The following SSU72 variants were observed in gnomAD, a reference collection of about 807,000 sequenced individuals.
SSU72 encodes RNA polymerase II subunit A C-terminal domain phosphatase SSU72.
In SSU72, 12 loss-of-function variants were observed where a neutral mutation model predicts 22.7. That is an observed-to-expected ratio of 0.53 (90% confidence interval 0.34 to 0.86). The LOEUF (loss-of-function observed/expected upper bound fraction) is 0.86. SSU72 is among the 40% of genes least tolerant of loss of function. The pLI is 0.02. For missense variants in SSU72, 151 were observed against 249.8 expected, an observed-to-expected ratio of 0.60 and a Z score of 2.67; for synonymous variants, 116 against 98.3, an observed-to-expected ratio of 1.18 and a Z score of -1.06.
chr1:1,574,578 CGGCTCTCCCGCTTG>C lies in SSU72; in HGVS notation c.-35_-22del. 6.3e-7 allele frequency: 1 copy of C among 1,578,352 alleles called. No homozygotes were observed. The highest frequency in any genetic ancestry group is 8.6e-7 in the Non-Finnish European group (1 of 1,165,588). On this transcript the variant is annotated 5_prime_UTR_variant, in exon 1 of 5. Coordinates refer to ENST00000291386, the MANE Select transcript of SSU72 (RefSeq NM_014188.3). Reference sequence around the variant, plus strand: ...GGCATGGCGGCGGCCGCAAATCCCGCGGCTCTCCCGCTTGGGTTCCCACCCTACCGCGGCGCTTC... The same window carrying C: ...GGCATGGCGGCGGCCGCAAATCCCGCGGTTCCCACCCTACCGCGGCGCTTC...
intron 2 of SSU72, among the ~76,000 whole-genome samples, chr1:1,547,629 C>T (rs931224442): frequency 3.9e-5 from 6 of 152,230 alleles, no homozygotes; most frequent in East Asian, 1.9e-4. Context: ...AGCAAAACCA[C>T]GGTGCCAGTG....
intron 2 of SSU72, among the ~76,000 whole-genome samples, chr1:1,559,282 G>C (rs1294307344): frequency 6.6e-6 from 1 of 152,232 alleles, no homozygotes; most frequent in Non-Finnish European, 1.5e-5. Flanking sequence ...GGGCGGACCT[G>C]TAGCACGGGA....
chr1:1,556,238 C>G (rs1340366817), intron 2 of SSU72, among the ~76,000 whole-genome samples: 1 of 152,226 alleles, frequency 6.6e-6, no homozygotes, highest in Non-Finnish European at 1.5e-5. Context: ...GGAGACCATC[C>G]TGGCTAACAC....
Position 1,554,021 on chromosome 1 carries a change from CG to C in SSU72, c.225-9020del, listed in dbSNP as rs1570388230. On this transcript the variant is annotated intron_variant, in intron 2 of 4. Transcript: ENST00000291386. The surrounding 1 kb of genome is among the most constrained non-coding windows in gnomAD (Gnocchi z 4.1). ...GTCAGTGGTGAGAACTCAGCAGGTCCGGGGGACGTCAGGTGGCCACGGAGAC... is the reference window on the plus strand; with the variant it reads ...GTCAGTGGTGAGAACTCAGCAGGTCCGGGGACGTCAGGTGGCCACGGAGAC... Among the ~76,000 whole-genome samples the C allele has an allele frequency of 1.3e-5, 2 of 152,168 alleles. No homozygotes were observed. Among genetic ancestry groups the C allele is most frequent in the East Asian group, 3.9e-4 (2 of 5,188 alleles).
chr1:1,561,288 T>C (rs1156476906), intron 2 of SSU72: 1 of 152,206 alleles, frequency 6.6e-6, no homozygotes, highest in Non-Finnish European at 1.5e-5. Flanking sequence ...TTTCACTATG[T>C]TGGCCAGGCT....
intron 2 of SSU72, chr1:1,560,765 T>C (rs12410854): frequency 0.47 from 71,239 of 152,084 alleles, 20,809 homozygotes; most frequent in East Asian, 0.86. Context: ...CATGTGAGGA[T>C]CACTTGAGGC....
chr1:1,569,313 C>T lies in SSU72; in HGVS notation c.81-4397G>A, dbSNP rs953386600. On this transcript the variant is annotated intron_variant, in intron 1 of 4. Transcript: ENST00000291386. ...CAGGAGGCTCTGTGGAAACGTACGG[C>T]GGAGTCTTCTGGCGCTGCCCTGAAA... Among the ~76,000 whole-genome samples, 7 of 152,302 alleles carry T rather than the reference C, an allele frequency of 4.6e-5. No homozygotes were observed. The East Asian group carries it at 1.2e-3, about 25-fold the overall frequency.
Position 1,554,762 on chromosome 1 carries a change from C to T in SSU72, c.225-9760G>A, listed in dbSNP as rs1208696062. 6.6e-6 allele frequency among the ~76,000 whole-genome samples: 1 copy of T among 152,118 alleles called. No individual in the cohort carries two copies. The highest frequency in any genetic ancestry group is 1.5e-5 in the Non-Finnish European group (1 of 68,018). The stretch of plus-strand genomic sequence containing the variant: ...GGAAAAAGCCATGTCAGGTGCAGCA[C>T]GCTGGCCACAGGCACTGGAGCCACG... On this transcript the variant is annotated intron_variant, in intron 2 of 4. Transcript: ENST00000291386. The surrounding 1 kb of genome is among the most constrained non-coding windows in gnomAD (Gnocchi z 4.1).
At chr1:1,573,475 G>A (rs540936472) in intron 1 of SSU72, among the ~76,000 whole-genome samples, 5 of 147,192 alleles carry the variant, frequency 3.4e-5, no homozygotes, top group South Asian at 4.3e-4. Context: ...AGAATAAAGA[G>A]AAAGAATCAG....
At chr1:1,549,698 G>A (rs1489150844) in intron 2 of SSU72, among the ~76,000 whole-genome samples, 2 of 151,738 alleles carry the variant, frequency 1.3e-5, no homozygotes, top group African/African-American at 2.4e-5. Context: ...ATTATGGCTG[G>A]GCGCAGTGGC....
chr1:1,569,223 A>T (rs1042713739), intron 1 of SSU72, among the ~76,000 whole-genome samples: 1 of 152,134 alleles, frequency 6.6e-6, no homozygotes, highest in African/African-American at 2.4e-5. Context: ...AAAAAGCCAC[A>T]AAACAAACAA....
chr1:1,546,472 A>T (rs1174016984), intron 2 of SSU72: 1 of 152,184 alleles, frequency 6.6e-6, no homozygotes, highest in African/African-American at 2.4e-5. Context: ...TTAGTCCTTC[A>T]GCCGCTGAGA....
chr1:1,541,942 T>C lies in SSU72; in HGVS notation c.*124A>G, dbSNP rs932641275. 1 of 857,394 alleles carries C rather than the reference T, an allele frequency of 1.2e-6. No homozygotes were observed. The highest frequency in any genetic ancestry group is 1.8e-6 in the Non-Finnish European group (1 of 548,964). The allele number at this position is 857,394 out of a possible 1,614,324, so 53.1% of individuals were successfully genotyped here. ...TTGGCATCTCCTCTCCCATTTCATA[T>C]GCACAGTTTATTTGGGTAATGCTAC... is the stretch of plus-strand genomic sequence containing the variant. On this transcript the variant is annotated 3_prime_UTR_variant, in exon 5 of 5. Transcript: ENST00000291386.
intron 2 of SSU72, among the ~76,000 whole-genome samples, chr1:1,556,293 G>A (rs1004494878): frequency 3.3e-5 from 5 of 152,296 alleles, no homozygotes; most frequent in East Asian, 3.9e-4. Context: ...TTAGCCAGGC[G>A]TGGTGGCGGC....
intron 1 of SSU72, among the ~76,000 whole-genome samples, chr1:1,570,804 T>C (rs4344264): frequency 0.018 from 2,775 of 152,310 alleles, 81 homozygotes; most frequent in African/African-American, 0.063. Context: ...TTTCATTTTC[T>C]ACAGTAAGAA....
intron 2 of SSU72, among the ~76,000 whole-genome samples, chr1:1,553,791 C>CAA (rs33931848): frequency 5.1e-4 from 54 of 106,216 alleles, no homozygotes; most frequent in African/African-American, 1.5e-3. Flanking sequence ...GACTCCGTCT[C>CAA]AAAAAAAAAA....
chr1:1,560,546 A>G (rs1466702581), intron 2 of SSU72, among the ~76,000 whole-genome samples: 2 of 152,140 alleles, frequency 1.3e-5, no homozygotes, highest in African/African-American at 4.8e-5. Flanking sequence ...CCTCAGGCTC[A>G]CTTCTGGCTT....
chr1:1,572,877 T>TGC (rs796312529), intron 1 of SSU72, among the ~76,000 whole-genome samples: 1 of 83,670 alleles, frequency 1.2e-5, no homozygotes, highest in African/African-American at 4.0e-5. Flanking sequence ...AATTTTGTCT[T>TGC]GGGGGGGGGG....
intron 2 of SSU72, among the ~76,000 whole-genome samples, chr1:1,550,162 C>A (rs1276797267): frequency 7.5e-6 from 1 of 133,622 alleles, no homozygotes; most frequent in African/African-American, 2.9e-5. Flanking sequence ...TGAGACAGAG[C>A]GAGAGTGTCT....
Sources: allele counts gnomAD v4.1 joint callset (sites outside exome capture counted in the v4.1 genomes callset), GRCh38; gene constraint gnomAD v4.1.1; non-coding constraint Gnocchi (gnomAD v3.1); transcripts MANE v1.5; gene names NCBI Gene and HGNC (gene_info 2026-07-23, HGNC 2026-07-21).